Variants in IFT88 observed in about 807,000 individuals in gnomAD.
IFT88 encodes the protein intraflagellar transport protein 88 homolog.
In IFT88, 74 loss-of-function variants were observed where a neutral mutation model predicts 119.5. That is an observed-to-expected ratio of 0.62 (90% CI 0.51 to 0.75). IFT88 has a LOEUF of 0.75. IFT88 is among the 30% of genes least tolerant of loss of function. The pLI, the probability that IFT88 is intolerant of heterozygous loss-of-function variation, is 0.00. For missense variants in IFT88, 961 were observed against 977.7 expected (o/e 0.98, Z 0.23); for synonymous variants, 279 against 316.7 (o/e 0.88, Z 1.26).
In IFT88 at chr13:20,592,317, T is replaced by C. The variant is rs370634347; in HGVS notation, c.329-18T>C. The C allele has an allele frequency of 1.4e-5, 22 of 1,596,700 alleles. No homozygotes were observed. In the African/African-American group the frequency reaches 2.4e-4, roughly 18 times the overall value. On this transcript the variant is annotated intron_variant, in intron 6 of 25. Coordinates refer to ENST00000351808, the MANE Select transcript of IFT88 (RefSeq NM_006531.5). ...GCTGAGTTACAAATTGAATATTAAC[T>C]CTTGAATTGTGTCTCAGGCTCTGCA...
chr13:20,689,615 C>T (rs920934833), intron 24 of IFT88, among the ~76,000 whole-genome samples: 1 of 152,188 alleles, frequency 6.6e-6, no homozygotes, highest in African/African-American at 2.4e-5. Flanking sequence ...TCCCTGCCAA[C>T]TTTGTTTTAT....
chr13:20,665,301 T>C (rs2054508252), intron 23 of IFT88, among the ~76,000 whole-genome samples: 1 of 152,174 alleles, frequency 6.6e-6, no homozygotes, highest in African/African-American at 2.4e-5. Context: ...AAAATTAATA[T>C]ATCATTGGTA....
In IFT88 at chr13:20,691,234, A is replaced by C; in HGVS notation, c.*59A>C. On this transcript the variant is annotated 3_prime_UTR_variant, in exon 26 of 26. Coordinates refer to ENST00000351808, the MANE Select transcript of IFT88 (RefSeq NM_006531.5). ...TGCCTTATGAGATCATCCTCATGTTAAACCTTGGATTAAATATCTAACCTG... is the reference window on the plus strand; with the variant it reads ...TGCCTTATGAGATCATCCTCATGTTCAACCTTGGATTAAATATCTAACCTG... 1 of 1,473,158 alleles carries C rather than the reference A, an allele frequency of 6.8e-7. No homozygotes were observed. The highest frequency in any genetic ancestry group is 9.3e-7 in the Non-Finnish European group (1 of 1,079,140). 91.3% of individuals were successfully genotyped at this position (1,473,158 alleles called of 1,614,324 possible). A position where few individuals can be genotyped will look rare whatever the true frequency, so the allele number is the denominator to read the frequency against.
chr13:20,663,724 C>G, intron 23 of IFT88, 120 bp downstream of exon 23: 1 of 693,276 alleles, frequency 1.4e-6, no homozygotes. Context: ...TTTTTCTGCT[C>G]TGACATAATA....
intron 1 of IFT88, chr13:20,568,112 G>A: frequency 1.5e-6 from 1 of 661,192 alleles, no homozygotes; most frequent in Non-Finnish European, 2.8e-6. Context: ...TGCGGGCCGG[G>A]GTTGGAAAAG....
rs190804695 is a variant in IFT88 at position 20,625,866 on chromosome 13, A to T, written c.1299+17A>T. ...TATAACCAAGTAAGTTTTAAAAAAA[A>T]TTTTAGATGGAATTCCATATCTTAA... On this transcript the variant is annotated intron_variant, in intron 15 of 25. Transcript: ENST00000351808. The T allele has an allele frequency of 2.5e-5, 35 of 1,402,588 alleles. No individual in the cohort carries two copies. The Admixed American group carries it at 6.5e-4, about 26-fold the overall frequency. 86.9% of individuals were successfully genotyped at this position (1,402,588 alleles called of 1,614,324 possible). A position where few individuals can be genotyped will look rare whatever the true frequency, so the allele number is the denominator to read the frequency against.
chr13:20,596,655 G>A (rs527555838), intron 8 of IFT88, among the ~76,000 whole-genome samples: 1 of 152,162 alleles, frequency 6.6e-6, no homozygotes, highest in Admixed American at 6.5e-5. Context: ...TGCTTTTTGG[G>A]AATCTAACTT....
chr13:20,670,904 A>C, intron 23 of IFT88, 69 bp from the exon 24 acceptor site: 1 of 1,345,616 alleles, frequency 7.4e-7, no homozygotes, highest in South Asian at 1.2e-5. Flanking sequence ...TTTAAAATCC[A>C]CCTTTATCTA....
chr13:20,569,437 G>A (rs1455658686), intron 1 of IFT88, among the ~76,000 whole-genome samples: 1 of 151,494 alleles, frequency 6.6e-6, no homozygotes, highest in African/African-American at 2.4e-5. Context: ...GCCGGGCGTG[G>A]TGGCGGGCGC....
intron 24 of IFT88, among the ~76,000 whole-genome samples, chr13:20,675,132 A>T (rs7325875): frequency 6.6e-6 from 1 of 151,864 alleles, no homozygotes; most frequent in Non-Finnish European, 1.5e-5. Context: ...CAGTGCCCAC[A>T]AGGGAGGACG....
chr13:20,578,893 A>G (rs1412889580), intron 2 of IFT88, among the ~76,000 whole-genome samples: 1 of 151,850 alleles, frequency 6.6e-6, no homozygotes, highest in Non-Finnish European at 1.5e-5. Flanking sequence ...TCCCTTTTTT[A>G]TCTCTGATTT....
In IFT88 at chr13:20,589,829, AGCACG is replaced by A; in HGVS notation, c.176_180del (p.Thr59SerfsTer3). On this transcript the variant is annotated frameshift_variant, in exon 4 of 26. Coordinates refer to ENST00000351808, the MANE Select transcript of IFT88 (RefSeq NM_006531.5). LOFTEE classifies it high-confidence loss of function. ...CCCCAAGATAACTGCTAAAATATCA[AGCACG>A]GCAGTTACTAGACCTATAGCTACTG... 1.2e-6 allele frequency: 2 copies of A among 1,600,452 alleles called. No homozygotes were observed. The highest frequency in any genetic ancestry group is 1.7e-6 in the Non-Finnish European group (2 of 1,170,736).
intron 20 of IFT88, among the ~76,000 whole-genome samples, chr13:20,648,151 C>A (rs1293625505): frequency 6.6e-6 from 1 of 152,208 alleles, no homozygotes; most frequent in African/African-American, 2.4e-5. Flanking sequence ...AATCCCAGCA[C>A]TTTGGAGGCC....
At chr13:20,689,427 G>A (rs183210170) in intron 24 of IFT88, among the ~76,000 whole-genome samples, 3 of 152,324 alleles carry the variant, frequency 2.0e-5, no homozygotes, top group African/African-American at 4.8e-5. Flanking sequence ...ACATTCCACA[G>A]TATTCCTCAG....
At position 20,641,671 on chromosome 13, in the gene IFT88, A is replaced by G. The variant is rs775997505; in HGVS notation, c.1682+273A>G. 79 of 252,390 alleles carry G rather than the reference A, an allele frequency of 3.1e-4. 1 individual carries two copies. Among genetic ancestry groups the G allele is most frequent in the Admixed American group, 9.5e-4 (19 of 20,088 alleles). 15.6% of individuals were successfully genotyped at this position (252,390 alleles called of 1,614,324 possible). A position where few individuals can be genotyped will look rare whatever the true frequency, so the allele number is the denominator to read the frequency against. On this transcript the variant is annotated intron_variant, in intron 18 of 25. Transcript: ENST00000351808. ...AGTAATTAGGACATTTTCGGTACAT[A>G]TAAGCCATTCATTGAAAGTCAATTT...
At chr13:20,666,207 T>C (rs1594780726) in intron 23 of IFT88, among the ~76,000 whole-genome samples, 1 of 152,224 alleles carries the variant, frequency 6.6e-6, no homozygotes, top group East Asian at 1.9e-4. Context: ...TGGACTTCAT[T>C]CTTATCAGCT....
chr13:20,636,012 T>C (rs2048975086), intron 16 of IFT88, among the ~76,000 whole-genome samples: 1 of 152,192 alleles, frequency 6.6e-6, no homozygotes, highest in Non-Finnish European at 1.5e-5. Context: ...TTTTGGACTA[T>C]ATCTGTCCCT....
Position 20,590,999 on chromosome 13 carries a change from A to C in IFT88, c.243A>C (p.Arg81Ser). 6.2e-7 allele frequency: 1 copy of C among 1,610,254 alleles called. No individual in the cohort carries two copies. Among genetic ancestry groups the C allele is most frequent in the Non-Finnish European group, 8.5e-7 (1 of 1,177,722 alleles). The change falls in exon 5 of 26, where the codon AGA (arginine) becomes AGC (serine). Residue 81 changes from arginine (R) to serine (S), a missense_variant. Physicochemically the swap from Arg to Ser is moderately radical, Grantham distance 110 (BLOSUM62 -1). Transcript: ENST00000351808. Reference sequence around the variant, plus strand: ...CATCTCTGGCATCATCAATAGGAAGACCAATGACAGGGGCTATTCAGGTAT... The same window carrying C: ...CATCTCTGGCATCATCAATAGGAAGCCCAATGACAGGGGCTATTCAGGTAT... ...SKTSLASSIG[R>S]PMTGAIQDGV...
chr13:20,592,265 T>TTATATTTTCA, intron 6 of IFT88, 70 bp from the exon 7 acceptor site: 1 of 1,181,254 alleles, frequency 8.5e-7, no homozygotes, highest in Admixed American at 2.1e-5. Flanking sequence ...ATGCGAGGTT[T>TTATATTTTCA]TATATTTTCA....
Sources: allele counts gnomAD v4.1 joint callset (sites outside exome capture counted in the v4.1 genomes callset), GRCh38; gene constraint gnomAD v4.1.1; transcripts MANE v1.5; gene names NCBI Gene and HGNC (gene_info 2026-07-23, HGNC 2026-07-21).